Variants in CHSY1 observed in about 807,000 individuals in gnomAD.
The protein encoded by CHSY1 is N-acetylgalactosaminyl-proteoglycan 3-beta-glucuronosyltransferase 1.
In CHSY1, 13 loss-of-function variants were observed where a neutral mutation model predicts 59.8. The ratio of observed to expected loss-of-function variants is 0.22; its 90% CI spans 0.14 to 0.35. The LOEUF is 0.35. Ranked by LOEUF, CHSY1 falls within the 10% of genes least tolerant of loss-of-function variation. The pLI is 1.00. For synonymous variants in CHSY1, 459 were observed against 401.2 expected (o/e 1.14, Z -1.72); for missense variants, 947 against 1,030.6 (o/e 0.92, Z 1.11).
rs1483075201 is a variant in CHSY1 at position 101,177,464 on chromosome 15, G to A, written c.2333C>T (p.Ala778Val). 3 of 1,612,880 alleles carry A rather than the reference G, an allele frequency of 1.9e-6. No homozygotes were observed. The highest frequency in any genetic ancestry group is 2.5e-6 in the Non-Finnish European group (3 of 1,179,686). ...ATCATTTTTTTCCAGCCACATCTCA[G>A]CCAGCTGCTGGGTGGACCCATAGGT... ...ASTYGSTQQL[A>V]EMWLEKNDPS... Residue 778 changes from alanine to valine, a missense_variant, in exon 3 of 3, where the codon GCT (alanine) becomes GTT (valine). This residue lies in a region of CHSY1 where 602 missense variants were observed against 676.9 expected (regional missense o/e 0.89). Coordinates refer to ENST00000254190, the MANE Select transcript of CHSY1 (RefSeq NM_014918.5).
intron 2 of CHSY1, chr15:101,187,788 C>T (rs913227993): frequency 6.6e-6 from 1 of 152,660 alleles, no homozygotes; most frequent in Non-Finnish European, 1.5e-5. Flanking sequence ...ATGAAACAAC[C>T]CTTAATCTTT....
chr15:101,188,176 C>T (rs7166488), intron 2 of CHSY1: 581,695 of 984,914 alleles, frequency 0.59, 174,965 homozygotes, highest in East Asian at 0.87. Flanking sequence ...ACTTAGGCAG[C>T]GTTTCAGTTC....
At chr15:101,202,863 T>C (rs2038588026) in intron 2 of CHSY1, among the ~76,000 whole-genome samples, 2 of 152,188 alleles carry the variant, frequency 1.3e-5, no homozygotes, top group African/African-American at 2.4e-5. Context: ...AAAAAAAATA[T>C]TTTACCATCA....
chr15:101,181,109 T>C (rs538573319), intron 2 of CHSY1, among the ~76,000 whole-genome samples: 99 of 152,312 alleles, frequency 6.5e-4, no homozygotes, highest in Middle Eastern at 3.4e-3. Flanking sequence ...TGGGAAGCCA[T>C]GCTTCCTGTT....
chr15:101,185,071 G>A (rs935244792), intron 2 of CHSY1, among the ~76,000 whole-genome samples: 2 of 152,216 alleles, frequency 1.3e-5, no homozygotes, highest in Non-Finnish European at 2.9e-5. Context: ...AATGGGCTTC[G>A]GGTGGTGCCC....
chr15:101,178,495 G>A lies in CHSY1; in HGVS notation c.1302C>T (p.Tyr434=), dbSNP rs2005180. 121,406 of 1,614,150 alleles carry A rather than the reference G, an allele frequency of 0.075. 5,138 individuals carry two copies. The highest frequency in any genetic ancestry group is 0.086 in the Non-Finnish European group (100,907 of 1,180,002). Residue 434 remains tyrosine (Y), a synonymous_variant, in exon 3 of 3, where the codon TAC becomes TAT. Coordinates refer to ENST00000254190, the MANE Select transcript of CHSY1 (RefSeq NM_014918.5). The part of the protein sequence containing the change: ...GRIIDFKEIQ[Y]GYRRVNPMYG... ...ACATGGGGTTCACCCGGCGGTAGCC[G>A]TACTGGATCTCTTTGAAGTCAATGA...
At position 101,178,023 on chromosome 15, in the gene CHSY1, T is replaced by G; in HGVS notation, c.1774A>C (p.Ile592Leu). 2 of 1,614,190 alleles carry G rather than the reference T, an allele frequency of 1.2e-6. No homozygotes were observed. The highest frequency in any genetic ancestry group is 8.5e-7 in the Non-Finnish European group (1 of 1,180,040). The change falls in exon 3 of 3, where the codon ATT (isoleucine) becomes CTT (leucine). Residue 592 changes from isoleucine to leucine, a missense_variant. Ile to Leu is a conservative substitution (Grantham distance 5, BLOSUM62 2). Around this residue, in one of 4 missense-constraint regions of CHSY1, gnomAD observed 602 missense variants for 676.9 expected, o/e 0.89. Coordinates refer to ENST00000254190, the MANE Select transcript of CHSY1 (RefSeq NM_014918.5). ...KQVELMRDYR[I>L]KYPKADMQIL... ...TGCATGTCGGCTTTAGGGTACTTAATGCGGTAATCTCTCATCAGTTCAACT... is the reference window on the plus strand; with the variant it reads ...TGCATGTCGGCTTTAGGGTACTTAAGGCGGTAATCTCTCATCAGTTCAACT...
intron 2 of CHSY1, among the ~76,000 whole-genome samples, chr15:101,215,544 G>C (rs530366309): frequency 8.5e-4 from 130 of 152,322 alleles, no homozygotes; most frequent in Non-Finnish European, 1.2e-3. Flanking sequence ...AGACCAGCCT[G>C]GCCAACATGG....
At chr15:101,222,117 G>C (rs1053126321) in intron 2 of CHSY1, among the ~76,000 whole-genome samples, 2 of 152,182 alleles carry the variant, frequency 1.3e-5, no homozygotes, top group Non-Finnish European at 2.9e-5. Context: ...GTAAGGGTTA[G>C]AAGTCTACAG....
chr15:101,246,438 G>T (rs375828061), intron 1 of CHSY1, among the ~76,000 whole-genome samples: 1 of 150,558 alleles, frequency 6.6e-6, no homozygotes, highest in Non-Finnish European at 1.5e-5. Flanking sequence ...GGTAAGTGTA[G>T]CCAAGAAATG....
intron 2 of CHSY1, among the ~76,000 whole-genome samples, chr15:101,217,597 G>A (rs2038747485): frequency 1.3e-5 from 2 of 152,354 alleles, no homozygotes; most frequent in South Asian, 4.1e-4. Context: ...AGAGGTGCAG[G>A]AGTGCAGAAG....
intron 2 of CHSY1, among the ~76,000 whole-genome samples, chr15:101,229,898 C>G (rs1328081206): frequency 6.6e-6 from 1 of 151,750 alleles, no homozygotes; most frequent in Non-Finnish European, 1.5e-5. Flanking sequence ...CAGAGCGAGA[C>G]TCTGCCTCAA....
At chr15:101,183,985 A>G (rs1384380614) in intron 2 of CHSY1, among the ~76,000 whole-genome samples, 1 of 152,250 alleles carries the variant, frequency 6.6e-6, no homozygotes, top group East Asian at 1.9e-4. Flanking sequence ...GAAAATATAT[A>G]CTACTCTGGA....
In CHSY1 at chr15:101,250,808, T is replaced by C. The variant is rs541575889; in HGVS notation, c.320+329A>G. On this transcript the variant is annotated intron_variant, in intron 1 of 2. Transcript: ENST00000254190. ...GTACTGTGCTATGAGTTTTCCAACA[T>C]TATGAGGGAGACCCGATCTGTCGGG... Among the ~76,000 whole-genome samples, 22 of 152,262 alleles carry C rather than the reference T, an allele frequency of 1.4e-4. No homozygotes were observed. In the South Asian group the frequency reaches 1.5e-3, roughly 10 times the overall value.
At chr15:101,229,769 T>C (rs904736199) in intron 2 of CHSY1, among the ~76,000 whole-genome samples, 35 of 151,878 alleles carry the variant, frequency 2.3e-4, no homozygotes, top group Admixed American at 1.8e-3. Context: ...TAGCTGGGCA[T>C]GGTGGCATAC....
intron 2 of CHSY1, among the ~76,000 whole-genome samples, chr15:101,233,447 G>T (rs540020921): frequency 2.9e-4 from 44 of 152,190 alleles, no homozygotes; most frequent in Non-Finnish European, 5.6e-4. Context: ...TATACAATGT[G>T]TTACCTATTT....
intron 2 of CHSY1, among the ~76,000 whole-genome samples, chr15:101,214,644 T>G (rs2038714059): frequency 6.6e-6 from 1 of 150,994 alleles, no homozygotes; most frequent in South Asian, 2.1e-4. Flanking sequence ...ATCATGGAGG[T>G]GGATTTCTCA....
chr15:101,221,889 T>A (rs1321611927), intron 2 of CHSY1, among the ~76,000 whole-genome samples: 5 of 131,958 alleles, frequency 3.8e-5, no homozygotes, highest in Non-Finnish European at 7.8e-5. Context: ...GTACTTTTTT[T>A]TTTTAAAATC....
intron 1 of CHSY1, among the ~76,000 whole-genome samples, chr15:101,236,012 CA>C (rs2141275910): frequency 6.6e-6 from 1 of 152,208 alleles, no homozygotes; most frequent in South Asian, 2.1e-4. Flanking sequence ...TGGTGGTGAA[CA>C]AAAACGTGAT....
Sources: gnomAD v4.1 joint callset for allele counts (sites outside exome capture counted in the v4.1 genomes callset) on GRCh38, gnomAD v4.1.1 for gene constraint, gnomAD v4.1.1 regional missense constraint, MANE v1.5 for transcripts, NCBI Gene and HGNC (gene_info 2026-07-23, HGNC 2026-07-21) for gene names.